Variants in SLC16A7 observed in about 807,000 individuals in gnomAD.
The protein encoded by SLC16A7 is solute carrier family 16 member 7.
A neutral mutation model predicts 34.9 loss-of-function variants in SLC16A7; 33 were observed. The ratio of observed to expected loss-of-function variants is 0.94; its 90% CI spans 0.72 to 1.26. The LOEUF is 1.26. SLC16A7 is among the 50% of genes most tolerant of loss of function. The pLI is 0.00. For missense variants in SLC16A7, 573 were observed against 578.1 expected (o/e 0.99, Z 0.09); for synonymous variants, 201 against 206.6 (o/e 0.97, Z 0.23).
chr12:59,739,055 ATTATAC>A (rs1346607418), intron 3 of SLC16A7, among the ~76,000 whole-genome samples: 1 of 148,634 alleles, frequency 6.7e-6, no homozygotes, highest in Non-Finnish European at 1.5e-5. Flanking sequence ...TTTTATTATT[ATTATAC>A]TTTAAGTTTT....
At chr12:59,776,290 TTA>T (rs1450773384) in intron 5 of SLC16A7, among the ~76,000 whole-genome samples, 3 of 152,210 alleles carry the variant, frequency 2.0e-5, no homozygotes, top group African/African-American at 7.2e-5. Flanking sequence ...TGTGGTTATT[TTA>T]TAGTTTCCTT....
At chr12:59,618,654 G>T (rs564796663) in intron 1 of SLC16A7, among the ~76,000 whole-genome samples, 2 of 151,976 alleles carry the variant, frequency 1.3e-5, no homozygotes, top group East Asian at 3.9e-4. Context: ...AGTCTTAATT[G>T]TTTGTTAATC....
At chr12:59,734,913 A>G (rs192246545) in intron 3 of SLC16A7, among the ~76,000 whole-genome samples, 2 of 152,344 alleles carry the variant, frequency 1.3e-5, no homozygotes, top group East Asian at 1.9e-4. Flanking sequence ...GCATTTATGC[A>G]TTACTCTCTA....
At chr12:59,760,642 T>C (rs768868307) in intron 3 of SLC16A7, among the ~76,000 whole-genome samples, 1 of 152,074 alleles carries the variant, frequency 6.6e-6, no homozygotes, top group Non-Finnish European at 1.5e-5. Context: ...TGCAATCTGT[T>C]AACCTGATAA....
At chr12:59,611,102 A>T (rs1879172778) in intron 1 of SLC16A7, among the ~76,000 whole-genome samples, 1 of 152,202 alleles carries the variant, frequency 6.6e-6, no homozygotes, top group Non-Finnish European at 1.5e-5. Context: ...AATTCCATTC[A>T]TGAGGTATCT....
chr12:59,699,860 C>A (rs1012500224), intron 2 of SLC16A7, among the ~76,000 whole-genome samples: 3 of 151,710 alleles, frequency 2.0e-5, no homozygotes, highest in East Asian at 1.9e-4. Flanking sequence ...CAAGGCAAGA[C>A]CCTGCCTTCT....
intron 2 of SLC16A7, among the ~76,000 whole-genome samples, chr12:59,661,248 C>T (rs1362892895): frequency 2.0e-5 from 3 of 151,902 alleles, no homozygotes; most frequent in Non-Finnish European, 4.4e-5. Context: ...AGATTGGAGG[C>T]TGGGATAACA....
intron 2 of SLC16A7, among the ~76,000 whole-genome samples, chr12:59,670,422 C>G (rs1045950035): frequency 6.6e-6 from 1 of 152,138 alleles, no homozygotes; most frequent in Admixed American, 6.5e-5. Context: ...CCACCCCCCC[C>G]ACCAAATTTA....
intron 3 of SLC16A7, among the ~76,000 whole-genome samples, chr12:59,745,134 G>A (rs1878756260): frequency 2.0e-5 from 3 of 152,048 alleles, no homozygotes; most frequent in African/African-American, 7.2e-5. Context: ...TCCTTAGACT[G>A]CTTCTCTTTA....
chr12:59,785,086 C>G lies in SLC16A7; in HGVS notation c.*5407C>G, dbSNP rs1261204681. ...TTTCTGCACAACCATATGCAGAACT[C>G]ATGTTTGAGAAGGCACTTAAAAGCT... is the stretch of plus-strand genomic sequence containing the variant. On this transcript the variant is annotated 3_prime_UTR_variant, in exon 6 of 6. Transcript: ENST00000547379. 6.6e-6 allele frequency: 1 copy of G among 152,130 alleles called. No homozygotes were observed. Among genetic ancestry groups the G allele is most frequent in the South Asian group, 2.1e-4 (1 of 4,824 alleles). The allele number at this position is 152,130 out of a possible 1,614,324, so 9.4% of individuals were successfully genotyped here.
chr12:59,730,786 T>C (rs1425006773), intron 3 of SLC16A7, among the ~76,000 whole-genome samples: 1 of 152,190 alleles, frequency 6.6e-6, no homozygotes, highest in Non-Finnish European at 1.5e-5. Flanking sequence ...CCCAGTACTA[T>C]TTTCCTCCAC....
chr12:59,737,622 A>AGATTTTCTAGATTTTCTAG (rs1427650653), intron 3 of SLC16A7, among the ~76,000 whole-genome samples: 1 of 152,160 alleles, frequency 6.6e-6, no homozygotes, highest in Non-Finnish European at 1.5e-5. Flanking sequence ...TAGATTTTCT[A>AGATTTTCTAGATTTTCTAG]ATGTTTAATA....
intron 1 of SLC16A7, among the ~76,000 whole-genome samples, chr12:59,625,645 A>G (rs1239707023): frequency 6.6e-6 from 1 of 151,876 alleles, no homozygotes; most frequent in African/African-American, 2.4e-5. Context: ...AAATAAGAGT[A>G]ACAATTTGGA....
chr12:59,730,211 A>G (rs1311647755), intron 3 of SLC16A7, among the ~76,000 whole-genome samples: 1 of 90,232 alleles, frequency 1.1e-5, no homozygotes, highest in Non-Finnish European at 2.2e-5. Flanking sequence ...CCAATACAAA[A>G]GAAAAAAAAA....
chr12:59,673,670 C>A (rs1870076803), intron 2 of SLC16A7, among the ~76,000 whole-genome samples: 1 of 152,080 alleles, frequency 6.6e-6, no homozygotes, highest in South Asian at 2.1e-4. Context: ...ATATTCATTT[C>A]TTACCCATAC....
At chr12:59,625,264 T>C (rs1879877551) in intron 1 of SLC16A7, among the ~76,000 whole-genome samples, 1 of 151,802 alleles carries the variant, frequency 6.6e-6, no homozygotes, top group South Asian at 2.1e-4. Context: ...CAATTTTCCA[T>C]TCTGTTGCAA....
chr12:59,727,212 C>T (rs1339646463), intron 3 of SLC16A7, among the ~76,000 whole-genome samples: 1 of 149,244 alleles, frequency 6.7e-6, no homozygotes. Context: ...ACTACATATT[C>T]AGATAGAGTG....
intron 3 of SLC16A7, among the ~76,000 whole-genome samples, chr12:59,729,223 A>G (rs192120756): frequency 6.6e-6 from 1 of 152,338 alleles, no homozygotes; most frequent in East Asian, 1.9e-4. Flanking sequence ...TAAGGCCTAT[A>G]CAATTTACAC....
chr12:59,626,250 TG>T (rs1019311462), intron 1 of SLC16A7, among the ~76,000 whole-genome samples: 4 of 151,724 alleles, frequency 2.6e-5, no homozygotes, highest in Non-Finnish European at 5.9e-5. Context: ...TTTTTTTGTT[TG>T]CTTTTGTTTT....
Sources: allele counts gnomAD v4.1 joint callset (sites outside exome capture counted in the v4.1 genomes callset), GRCh38; gene constraint gnomAD v4.1.1; transcripts MANE v1.5; gene names NCBI Gene and HGNC (gene_info 2026-07-23, HGNC 2026-07-21).